The following ZFHX3 variants were observed in gnomAD, a reference collection of about 807,000 sequenced individuals.
The protein encoded by ZFHX3 is zinc finger homeobox 3, also known as zinc finger homeobox protein 3.
ZFHX3 carries 42 observed loss-of-function variants against 279.1 expected under a neutral mutation model. The ratio of observed to expected loss-of-function variants is 0.15; its 90% CI spans 0.12 to 0.19. The LOEUF is 0.19. ZFHX3 is among the 10% of genes least tolerant of loss of function. The pLI, the probability that ZFHX3 is intolerant of heterozygous loss-of-function variation, is 1.00. For synonymous variants in ZFHX3, 2,293 were observed against 1,957.8 expected (o/e 1.17, Z -4.52); for missense variants, 4,981 against 4,754.0 (o/e 1.05, Z -1.40).
intron 3 of ZFHX3, among the ~76,000 whole-genome samples, chr16:73,411,892 T>C (rs1298512526): frequency 3.9e-5 from 6 of 152,250 alleles, no homozygotes; most frequent in South Asian, 2.1e-4. Flanking sequence ...GTCTACATGA[T>C]AGCAGGTGCC....
At chr16:72,878,998 G>C (rs1460290806) in intron 4 of ZFHX3, among the ~76,000 whole-genome samples, 1 of 152,230 alleles carries the variant, frequency 6.6e-6, no homozygotes, top group Non-Finnish European at 1.5e-5. Context: ...TGCAGGACAG[G>C]AACGGCCCTG....
chr16:73,571,639 A>ATT lies in ZFHX3; in HGVS notation c.-1547+108539_-1547+108540dup, dbSNP rs34190621. ...TTAGGTCAGTATTAAAATAGAATTAATTTTTTTTAAAAAACCTTCAATAAT... is the reference window on the plus strand; with the variant it reads ...TTAGGTCAGTATTAAAATAGAATTAATTTTTTTTTTAAAAAACCTTCAATAAT... On this transcript the variant is annotated intron_variant, in intron 2 of 17. Transcript: ENST00000641206. 9.5e-5 allele frequency among the ~76,000 whole-genome samples: 14 copies of ATT among 147,404 alleles called. No individual in the cohort carries two copies. The East Asian group carries it at 1.9e-3, about 20-fold the overall frequency.
intron 5 of ZFHX3, among the ~76,000 whole-genome samples, chr16:73,203,133 C>T (rs1286988102): frequency 6.6e-6 from 1 of 152,100 alleles, no homozygotes; most frequent in East Asian, 1.9e-4. Flanking sequence ...TCTACTCCGT[C>T]GTCCAGGAGT....
At chr16:73,787,212 T>C (rs1959674561) in intron 1 of ZFHX3, among the ~76,000 whole-genome samples, 1 of 152,178 alleles carries the variant, frequency 6.6e-6, no homozygotes, top group Admixed American at 6.6e-5. Flanking sequence ...CATCCTATCA[T>C]TGGGGTGTTT....
intron 3 of ZFHX3, among the ~76,000 whole-genome samples, chr16:73,432,992 G>T (rs1358602374): frequency 6.6e-6 from 1 of 152,218 alleles, no homozygotes; most frequent in Non-Finnish European, 1.5e-5. Context: ...AGGTCCTGCT[G>T]AGAATAACTC....
intron 1 of ZFHX3, among the ~76,000 whole-genome samples, chr16:73,691,561 G>A (rs1402782245): frequency 6.6e-6 from 1 of 152,132 alleles, no homozygotes; most frequent in Non-Finnish European, 1.5e-5. Flanking sequence ...AACATTTATT[G>A]TTTATCATAT....
At chr16:73,864,781 G>T (rs1475622561) in intron 1 of ZFHX3, among the ~76,000 whole-genome samples, 1 of 128,268 alleles carries the variant, frequency 7.8e-6, no homozygotes, top group East Asian at 2.1e-4. Context: ...AGCCTGGCAG[G>T]GGAGCCATTA....
intron 5 of ZFHX3, among the ~76,000 whole-genome samples, chr16:73,229,490 A>G (rs183380841): frequency 6.6e-6 from 1 of 152,348 alleles, no homozygotes; most frequent in African/African-American, 2.4e-5. Flanking sequence ...ACTACATTAT[A>G]GTTTTAGGGT....
chr16:73,411,635 A>G (rs1218003666), intron 3 of ZFHX3, among the ~76,000 whole-genome samples: 1 of 152,232 alleles, frequency 6.6e-6, no homozygotes, highest in African/African-American at 2.4e-5. Context: ...TAAAATTTTA[A>G]AATTAACTAT....
At chr16:73,502,248 G>A (rs909854557) in intron 2 of ZFHX3, among the ~76,000 whole-genome samples, 3 of 152,190 alleles carry the variant, frequency 2.0e-5, no homozygotes, top group African/African-American at 7.2e-5. Context: ...AAAATCTGGC[G>A]ACCTGTGCCA....
At chr16:73,070,773 G>T (rs1212366669) in intron 8 of ZFHX3, among the ~76,000 whole-genome samples, 1 of 150,622 alleles carries the variant, frequency 6.6e-6, no homozygotes, top group Non-Finnish European at 1.5e-5. Context: ...CCTGCATTCC[G>T]GTATCCATCC....
At chr16:72,894,845 C>T (rs185660965) in intron 3 of ZFHX3, among the ~76,000 whole-genome samples, 13 of 152,212 alleles carry the variant, frequency 8.5e-5, no homozygotes, top group Admixed American at 8.5e-4. Context: ...CAACCCCTTC[C>T]GCCTCTATCA....
At chr16:73,888,062 T>C (rs925471783) in intron 1 of ZFHX3, among the ~76,000 whole-genome samples, 5 of 152,224 alleles carry the variant, frequency 3.3e-5, no homozygotes, top group Non-Finnish European at 7.4e-5. Flanking sequence ...CTCCTTTCCA[T>C]CTGCATCAGC....
intron 3 of ZFHX3, among the ~76,000 whole-genome samples, chr16:73,354,725 C>T (rs2016307277): frequency 6.6e-6 from 1 of 152,184 alleles, no homozygotes; most frequent in Admixed American, 6.5e-5. Context: ...CCTGCCTGTC[C>T]TTCCCCTAAA....
chr16:73,705,793 C>G (rs1018426408), intron 1 of ZFHX3, among the ~76,000 whole-genome samples: 3 of 152,170 alleles, frequency 2.0e-5, no homozygotes, highest in African/African-American at 7.2e-5. Context: ...TCCTAGTAAG[C>G]CTGCCTCAGA....
At chr16:72,819,906 C>T (rs931398865) in intron 5 of ZFHX3, among the ~76,000 whole-genome samples, 3 of 152,256 alleles carry the variant, frequency 2.0e-5, no homozygotes, top group African/African-American at 7.2e-5. Flanking sequence ...AAATCTCTTT[C>T]TTTCCACATG....
intron 7 of ZFHX3, among the ~76,000 whole-genome samples, chr16:73,105,394 CATAT>C (rs35716634): frequency 0.02 from 2,449 of 124,056 alleles, 127 homozygotes; most frequent in African/African-American, 0.074. Context: ...CACACACACA[CATAT>C]ATATATATAT....
At chr16:73,033,286 T>C (rs946803702) in intron 1 of ZFHX3, among the ~76,000 whole-genome samples, 3 of 151,616 alleles carry the variant, frequency 2.0e-5, no homozygotes, top group Non-Finnish European at 4.4e-5. Flanking sequence ...GAAAAAGGGG[T>C]TAAATGCCCA....
intron 4 of ZFHX3, among the ~76,000 whole-genome samples, chr16:73,275,076 A>T (rs1464948331): frequency 2.6e-5 from 4 of 152,128 alleles, no homozygotes; most frequent in African/African-American, 9.7e-5. Flanking sequence ...TATGAAGCAC[A>T]TTTAGTCTAT....
Sources: gnomAD v4.1 joint callset for allele counts (sites outside exome capture counted in the v4.1 genomes callset) on GRCh38, gnomAD v4.1.1 for gene constraint, MANE v1.5 for transcripts, NCBI Gene and HGNC (gene_info 2026-07-23, HGNC 2026-07-21) for gene names.